ST8SIA1: variants seen among roughly 807,000 people sequenced by gnomAD.
ST8SIA1 encodes the protein alpha-N-acetylneuraminide alpha-2,8-sialyltransferase.
A neutral mutation model predicts 35.9 loss-of-function variants in ST8SIA1; 16 were observed. The ratio of observed to expected loss-of-function variants is 0.45; its 90% CI spans 0.30 to 0.68. The LOEUF (loss-of-function observed/expected upper bound fraction) is 0.68. ST8SIA1 is among the 30% of genes least tolerant of loss of function. ST8SIA1 has a pLI of 0.09. For synonymous variants in ST8SIA1, 170 were observed against 169.6 expected, an observed-to-expected ratio of 1.00 and a Z score of -0.02; for missense variants, 383 against 453.6, an observed-to-expected ratio of 0.84 and a Z score of 1.41.
Position 22,195,909 on chromosome 12 carries a change from T to C in ST8SIA1, c.*5643A>G, listed in dbSNP as rs1864981986. ...CTCTTAGATGTTTATTGGTGTTGTG[T>C]GAAGCATACATTTTAAAAATAAACA... On this transcript the variant is annotated 3_prime_UTR_variant, in exon 5 of 5. Coordinates refer to ENST00000396037, the MANE Select transcript of ST8SIA1 (RefSeq NM_003034.4). 1 of 152,190 alleles carries C rather than the reference T, an allele frequency of 6.6e-6. No homozygotes were observed. The highest frequency in any genetic ancestry group is 1.5e-5 in the Non-Finnish European group (1 of 68,024). 9.4% of individuals were successfully genotyped at this position (152,190 alleles called of 1,614,324 possible). A position where few individuals can be genotyped will look rare whatever the true frequency, so the allele number is the denominator to read the frequency against.
intron 4 of ST8SIA1, among the ~76,000 whole-genome samples, chr12:22,228,827 G>A (rs946318994): frequency 1.3e-5 from 2 of 152,054 alleles, no homozygotes; most frequent in African/African-American, 4.8e-5. Flanking sequence ...AGGCCAAGGC[G>A]GGTGGATCAT....
intron 3 of ST8SIA1, among the ~76,000 whole-genome samples, chr12:22,255,016 C>T (rs1055910949): frequency 1.3e-5 from 2 of 152,180 alleles, no homozygotes; most frequent in Non-Finnish European, 2.9e-5. Flanking sequence ...AGATTTTCCA[C>T]TTTCCCCTGC....
At chr12:22,273,746 C>CTCATTCAT (rs58148930) in intron 2 of ST8SIA1, among the ~76,000 whole-genome samples, 7 of 152,028 alleles carry the variant, frequency 4.6e-5, no homozygotes, top group African/African-American at 1.7e-4. Context: ...AGCAGCTGAA[C>CTCATTCAT]TCATTCATTC....
At chr12:22,266,758 C>T (rs1385832401) in intron 2 of ST8SIA1, among the ~76,000 whole-genome samples, 1 of 151,994 alleles carries the variant, frequency 6.6e-6, no homozygotes, top group African/African-American at 2.4e-5. Flanking sequence ...GATTGTGCCA[C>T]TGCATTGCAG....
chr12:22,206,021 G>T (rs1252006008), intron 4 of ST8SIA1, among the ~76,000 whole-genome samples: 1 of 152,010 alleles, frequency 6.6e-6, no homozygotes, highest in African/African-American at 2.4e-5. Flanking sequence ...AATCTTGAAA[G>T]AATTTCAATT....
Position 22,226,879 on chromosome 12 carries a change from T to C in ST8SIA1, c.584+22127A>G, listed in dbSNP as rs545992940. On this transcript the variant is annotated intron_variant, in intron 4 of 4. Transcript: ENST00000396037. ...CACCAAGCTAAGGCTTTGAAATTTT[T>C]TCTATTTCCTCTGCGAAAGCATGTT... is the stretch of plus-strand genomic sequence containing the variant. 8.3e-4 allele frequency among the ~76,000 whole-genome samples: 127 copies of C among 152,302 alleles called. 2 individuals are homozygous for C. Among genetic ancestry groups the C allele is most frequent in the African/African-American group, 2.9e-3 (122 of 41,564 alleles).
rs73270062 is a variant in ST8SIA1, at chr12:22,266,346, G to A, written c.382-10957C>T. On this transcript the variant is annotated intron_variant, in intron 2 of 4. Coordinates refer to ENST00000396037, the MANE Select transcript of ST8SIA1 (RefSeq NM_003034.4). ...TGTATTAAAGCTGTGCACAGTGGCC[G>A]GTAAATGCACGTGGAATTGAAACAA... is the stretch of plus-strand genomic sequence containing the variant. Among the ~76,000 whole-genome samples the A allele has an allele frequency of 8.1e-3, 1,238 of 151,962 alleles. 20 individuals are homozygous for A. Among genetic ancestry groups the A allele is most frequent in the African/African-American group, 0.029 (1,184 of 41,388 alleles).
chr12:22,275,101 A>G (rs1278246124), intron 2 of ST8SIA1, among the ~76,000 whole-genome samples: 2 of 152,206 alleles, frequency 1.3e-5, no homozygotes, highest in Non-Finnish European at 2.9e-5. Flanking sequence ...GTTTGCAGAA[A>G]TGATGCTTTG....
intron 1 of ST8SIA1, among the ~76,000 whole-genome samples, chr12:22,331,203 T>C (rs965537676): frequency 1.3e-5 from 2 of 152,200 alleles, no homozygotes; most frequent in Non-Finnish European, 2.9e-5. Flanking sequence ...ACACTCCCTT[T>C]TCTCTTCACA....
At chr12:22,287,001 C>G (rs1483692111) in intron 2 of ST8SIA1, 148 bp downstream of exon 2, 3 of 695,986 alleles carry the variant, frequency 4.3e-6, no homozygotes, top group Admixed American at 6.1e-5. Flanking sequence ...TTCACACACA[C>G]AGATGACAGA....
intron 4 of ST8SIA1, among the ~76,000 whole-genome samples, chr12:22,234,522 G>A (rs1257373007): frequency 6.6e-6 from 1 of 151,936 alleles, no homozygotes; most frequent in East Asian, 1.9e-4. Context: ...CTTTTTTTAT[G>A]TTGCTTTACA....
chr12:22,278,973 C>G (rs1276550908), intron 2 of ST8SIA1, among the ~76,000 whole-genome samples: 1 of 152,132 alleles, frequency 6.6e-6, no homozygotes, highest in South Asian at 2.1e-4. Flanking sequence ...TCTTAATTAC[C>G]TAACAATTTT....
chr12:22,215,576 A>C (rs1469630983), intron 4 of ST8SIA1, among the ~76,000 whole-genome samples: 1 of 152,208 alleles, frequency 6.6e-6, no homozygotes, highest in African/African-American at 2.4e-5. Context: ...AGTTCAAAGA[A>C]AGTTAGGGAG....
intron 2 of ST8SIA1, among the ~76,000 whole-genome samples, chr12:22,257,206 A>AATT (rs561711607): frequency 4.0e-5 from 6 of 151,704 alleles, no homozygotes; most frequent in South Asian, 4.2e-4. Flanking sequence ...GAGGAACTGC[A>AATT]ATTATTATTA....
chr12:22,258,781 A>G (rs1336513133), intron 2 of ST8SIA1, among the ~76,000 whole-genome samples: 2 of 152,240 alleles, frequency 1.3e-5, no homozygotes, highest in Non-Finnish European at 2.9e-5. Flanking sequence ...GTTGTCAAAG[A>G]GTGGTTCTTG....
chr12:22,235,858 G>A (rs1291508598), intron 4 of ST8SIA1, among the ~76,000 whole-genome samples: 1 of 151,326 alleles, frequency 6.6e-6, no homozygotes, highest in Non-Finnish European at 1.5e-5. Flanking sequence ...AACAAACCAT[G>A]TTGATCCCAA....
intron 2 of ST8SIA1, among the ~76,000 whole-genome samples, chr12:22,258,468 G>C (rs1591837042): frequency 9.5e-6 from 1 of 105,550 alleles, no homozygotes; most frequent in Non-Finnish European, 2.0e-5. Flanking sequence ...TCTAAGAATT[G>C]TCCAAGTTAA....
chr12:22,285,871 C>CAAAAACAAAAAAAACAAAAAAAACAAA (rs1555160049), intron 2 of ST8SIA1, among the ~76,000 whole-genome samples: 1 of 94,952 alleles, frequency 1.1e-5, no homozygotes, highest in Non-Finnish European at 2.0e-5. Context: ...AAGACTCTGT[C>CAAAAACAAAAAAAACAAAAAAAACAAA]AAAAACAAAA....
intron 4 of ST8SIA1, among the ~76,000 whole-genome samples, chr12:22,229,891 G>C (rs976906819): frequency 3.3e-5 from 5 of 152,210 alleles, no homozygotes; most frequent in African/African-American, 1.2e-4. Context: ...CCAACATTAA[G>C]GTAGCAGATG....
Sources: allele counts gnomAD v4.1 joint callset (sites outside exome capture counted in the v4.1 genomes callset), GRCh38; gene constraint gnomAD v4.1.1; transcripts MANE v1.5; gene names NCBI Gene and HGNC (gene_info 2026-07-23, HGNC 2026-07-21).